Variants in SLC2A13 observed in about 807,000 individuals in gnomAD.
SLC2A13 encodes proton myo-inositol cotransporter.
A neutral mutation model predicts 64.4 loss-of-function variants in SLC2A13; 32 were observed. The ratio of observed to expected loss-of-function variants is 0.50; its 90% CI spans 0.37 to 0.67. The LOEUF is 0.67. Ranked by LOEUF, SLC2A13 falls within the 30% of genes least tolerant of loss-of-function variation. The pLI is 0.00. For synonymous variants in SLC2A13, 338 were observed against 327.1 expected (o/e 1.03, Z -0.36); for missense variants, 743 against 829.2 (o/e 0.90, Z 1.28).
intron 3 of SLC2A13, among the ~76,000 whole-genome samples, chr12:39,978,216 A>C (rs1211774415): frequency 6.6e-6 from 1 of 152,212 alleles, no homozygotes; most frequent in Non-Finnish European, 1.5e-5. Context: ...GCATCACAAA[A>C]ATACAGTCCA....
At chr12:39,867,647 A>G (rs565818714) in intron 5 of SLC2A13, among the ~76,000 whole-genome samples, 2 of 152,214 alleles carry the variant, frequency 1.3e-5, no homozygotes, top group Non-Finnish European at 2.9e-5. Flanking sequence ...AAATTCCTAA[A>G]TAGGTAAAAG....
At chr12:39,889,323 T>C (rs1229176013) in intron 4 of SLC2A13, among the ~76,000 whole-genome samples, 2 of 152,008 alleles carry the variant, frequency 1.3e-5, no homozygotes, top group Non-Finnish European at 2.9e-5. Context: ...TCTTTCAGGA[T>C]TTATATATCT....
intron 1 of SLC2A13, among the ~76,000 whole-genome samples, chr12:40,089,985 C>T (rs1938709321): frequency 6.6e-6 from 1 of 152,058 alleles, no homozygotes; most frequent in African/African-American, 2.4e-5. Context: ...TCCTACTAAA[C>T]CATGTTTGCT....
At chr12:39,973,511 C>G (rs1020590652) in intron 3 of SLC2A13, among the ~76,000 whole-genome samples, 11 of 152,246 alleles carry the variant, frequency 7.2e-5, no homozygotes, top group African/African-American at 2.7e-4. Context: ...TCATGCCAAC[C>G]TGTCCTCTGA....
chr12:39,996,617 A>G (rs1410187504), intron 3 of SLC2A13, among the ~76,000 whole-genome samples: 2 of 152,204 alleles, frequency 1.3e-5, no homozygotes, highest in Non-Finnish European at 2.9e-5. Context: ...TGTGTAGCCT[A>G]GCCACTTGGT....
intron 1 of SLC2A13, among the ~76,000 whole-genome samples, chr12:40,082,319 T>C (rs1291241333): frequency 2.0e-5 from 3 of 152,240 alleles, no homozygotes; most frequent in African/African-American, 7.2e-5. Flanking sequence ...AATTTTGACT[T>C]CCCTACCCAA....
chr12:39,852,583 TGAA>T (rs1476921480), intron 6 of SLC2A13, among the ~76,000 whole-genome samples: 4 of 152,094 alleles, frequency 2.6e-5, no homozygotes, highest in South Asian at 2.1e-4. Flanking sequence ...AATATCTAGG[TGAA>T]GAAGAAGAAT....
intron 6 of SLC2A13, among the ~76,000 whole-genome samples, chr12:39,852,578 C>CTAGGTGAAGAAGAAGAA (rs1265389527): frequency 6.6e-6 from 1 of 152,116 alleles, no homozygotes; most frequent in Non-Finnish European, 1.5e-5. Flanking sequence ...GTTAGAATAT[C>CTAGGTGAAGAAGAAGAA]TAGGTGAAGA....
Position 40,079,536 on chromosome 12 carries a change from G to A in SLC2A13, c.556+25717C>T, listed in dbSNP as rs186639926. Among the ~76,000 whole-genome samples, 282 of 152,310 alleles carry A rather than the reference G, an allele frequency of 1.9e-3. 3 individuals are homozygous for A. Among genetic ancestry groups the A allele is most frequent in the Non-Finnish European group, 5.1e-4 (35 of 68,028 alleles). ...CTTTATGGCCAAATGTGTGGTCAAT[G>A]TTAGAGTATGTGCCATGTGCAGGTG... is the stretch of plus-strand genomic sequence containing the variant. On this transcript the variant is annotated intron_variant, in intron 1 of 9. Transcript: ENST00000280871.
At chr12:39,874,567 A>AC (rs1944133133) in intron 4 of SLC2A13, among the ~76,000 whole-genome samples, 1 of 150,568 alleles carries the variant, frequency 6.6e-6, no homozygotes, top group African/African-American at 2.4e-5. Context: ...GTGAGCCAAG[A>AC]TCACACCATT....
chr12:39,978,796 A>C (rs1946821776), intron 3 of SLC2A13, among the ~76,000 whole-genome samples: 1 of 152,060 alleles, frequency 6.6e-6, no homozygotes, highest in African/African-American at 2.4e-5. Flanking sequence ...AGCAGCCTGG[A>C]AGCTCGAACT....
chr12:39,823,777 T>A (rs1294066941), intron 7 of SLC2A13, among the ~76,000 whole-genome samples: 1 of 152,238 alleles, frequency 6.6e-6, no homozygotes, highest in East Asian at 1.9e-4. Flanking sequence ...GAAGTGTTTT[T>A]CACAAAGTAT....
intron 1 of SLC2A13, among the ~76,000 whole-genome samples, chr12:40,065,537 A>C (rs1204667823): frequency 6.6e-6 from 1 of 152,078 alleles, no homozygotes; most frequent in Non-Finnish European, 1.5e-5. Flanking sequence ...GTGAGCTGTG[A>C]TCATATCACT....
At chr12:39,768,395 G>A (rs893738979) in intron 7 of SLC2A13, among the ~76,000 whole-genome samples, 1 of 151,910 alleles carries the variant, frequency 6.6e-6, no homozygotes, top group Non-Finnish European at 1.5e-5. Context: ...ATTTTCTTTT[G>A]TAGTCACAAT....
At chr12:39,863,343 C>A (rs1489140658) in intron 6 of SLC2A13, among the ~76,000 whole-genome samples, 1 of 152,030 alleles carries the variant, frequency 6.6e-6, no homozygotes, top group Non-Finnish European at 1.5e-5. Context: ...TTATGTAAAT[C>A]ACTAAAAACT....
In SLC2A13 at chr12:39,945,697, A is replaced by G. The variant is rs187985982; in HGVS notation, c.1034+5560T>C. ...CTAAAAGTGTGTCCAAAGTTTCCTGAATTTTTTATTGTTTTTCTTTAAGCT... is the reference window on the plus strand; with the variant it reads ...CTAAAAGTGTGTCCAAAGTTTCCTGGATTTTTTATTGTTTTTCTTTAAGCT... On this transcript the variant is annotated intron_variant, in intron 4 of 9. Transcript: ENST00000280871. Among the ~76,000 whole-genome samples the G allele has an allele frequency of 6.9e-3, 1,047 of 152,140 alleles. 10 individuals are homozygous for G. The highest frequency in any genetic ancestry group is 0.024 in the Middle Eastern group (7 of 294).
intron 3 of SLC2A13, among the ~76,000 whole-genome samples, chr12:39,979,257 G>A (rs1250390006): frequency 1.1e-4 from 15 of 133,952 alleles, no homozygotes; most frequent in African/African-American, 4.2e-4. Context: ...ACTCTAAAAC[G>A]CAGAGCGCCT....
intron 3 of SLC2A13, among the ~76,000 whole-genome samples, chr12:39,971,997 A>AAAAAAATATATATATATATATAT (rs1375405006): frequency 7.8e-5 from 6 of 77,340 alleles, no homozygotes; most frequent in Non-Finnish European, 9.9e-5. Context: ...AAAAAAAAAA[A>AAAAAAATATATATATATATATAT]ATATATATAT....
intron 4 of SLC2A13, among the ~76,000 whole-genome samples, chr12:39,896,338 A>AAAT (rs1205969681): frequency 1.6e-4 from 23 of 140,480 alleles, no homozygotes; most frequent in African/African-American, 5.8e-4. Flanking sequence ...GTATATATGT[A>AAAT]TACATATATG....
Sources: gnomAD v4.1 joint callset for allele counts (sites outside exome capture counted in the v4.1 genomes callset) on GRCh38, gnomAD v4.1.1 for gene constraint, MANE v1.5 for transcripts, NCBI Gene and HGNC (gene_info 2026-07-23, HGNC 2026-07-21) for gene names.